GALNT17: variants seen among roughly 807,000 people sequenced by gnomAD.
The protein encoded by GALNT17 is polypeptide N-acetylgalactosaminyltransferase 17.
In GALNT17, 29 loss-of-function variants were observed where a neutral mutation model predicts 63.7. The ratio of observed to expected loss-of-function variants is 0.46; its 90% CI spans 0.34 to 0.62. The LOEUF (loss-of-function observed/expected upper bound fraction) is 0.62, where lower values mean the gene tolerates loss of function less well. Among genes scored for constraint, GALNT17 ranks in the 20% least tolerant of loss-of-function variants. The pLI is 0.01. For synonymous variants in GALNT17, 305 were observed against 318.3 expected, an observed-to-expected ratio of 0.96 and a Z score of 0.45; for missense variants, 603 against 799.6, an observed-to-expected ratio of 0.75 and a Z score of 2.97.
At chr7:71,224,016 A>G (rs750898705) in intron 1 of GALNT17, among the ~76,000 whole-genome samples, 4 of 151,934 alleles carry the variant, frequency 2.6e-5, no homozygotes, top group Non-Finnish European at 5.9e-5. Context: ...TTGTATTTTG[A>G]TGAGGTTTCA....
At chr7:71,627,677 T>C (rs1790393809) in intron 6 of GALNT17, among the ~76,000 whole-genome samples, 1 of 152,176 alleles carries the variant, frequency 6.6e-6, no homozygotes, top group Non-Finnish European at 1.5e-5. Context: ...CACAGTTCTT[T>C]TTTTGTTTGT....
At chr7:71,196,131 A>G (rs1789044307) in intron 1 of GALNT17, among the ~76,000 whole-genome samples, 2 of 151,490 alleles carry the variant, frequency 1.3e-5, no homozygotes, top group Non-Finnish European at 2.9e-5. Flanking sequence ...ATTTTTATTT[A>G]TTTTATTATT....
intron 5 of GALNT17, among the ~76,000 whole-genome samples, chr7:71,563,109 A>G (rs1403838919): frequency 2.6e-5 from 4 of 152,164 alleles, no homozygotes; most frequent in African/African-American, 7.2e-5. Context: ...ATAAGTGATT[A>G]TTTTTAATTT....
chr7:71,270,638 C>T (rs912073152), intron 1 of GALNT17, among the ~76,000 whole-genome samples: 2 of 150,806 alleles, frequency 1.3e-5, no homozygotes, highest in African/African-American at 2.4e-5. Context: ...TTGGCTTCAG[C>T]AATTCTCCTT....
chr7:71,543,704 T>G (rs548858088), intron 5 of GALNT17, among the ~76,000 whole-genome samples: 11 of 70,924 alleles, frequency 1.6e-4, no homozygotes, highest in South Asian at 4.2e-4. Context: ...CAGCAGGTTT[T>G]TTTTTTTTTT....
At chr7:71,701,904 T>TAGAC (rs1791653904) in intron 9 of GALNT17, among the ~76,000 whole-genome samples, 1 of 125,434 alleles carries the variant, frequency 8.0e-6, no homozygotes, top group Admixed American at 8.6e-5. Flanking sequence ...TACACATATA[T>TAGAC]ATATATACAT....
At chr7:71,196,850 C>T (rs556938667) in intron 1 of GALNT17, among the ~76,000 whole-genome samples, 50 of 152,070 alleles carry the variant, frequency 3.3e-4, no homozygotes, top group African/African-American at 1.2e-3. Context: ...GACGGGGTTT[C>T]ACCATGTTGG....
chr7:71,626,275 C>A (rs1790374912), intron 6 of GALNT17, among the ~76,000 whole-genome samples: 1 of 151,200 alleles, frequency 6.6e-6, no homozygotes, highest in African/African-American at 2.4e-5. Flanking sequence ...CAGACACACA[C>A]AAAGGCAAGC....
chr7:71,233,078 G>A (rs1470483258), intron 1 of GALNT17, among the ~76,000 whole-genome samples: 1 of 152,136 alleles, frequency 6.6e-6, no homozygotes, highest in Non-Finnish European at 1.5e-5. Flanking sequence ...GCTGAAGAAG[G>A]GCTTCTTCAC....
intron 3 of GALNT17, among the ~76,000 whole-genome samples, chr7:71,403,748 A>T (rs2116395267): frequency 6.6e-6 from 1 of 152,234 alleles, no homozygotes; most frequent in Non-Finnish European, 1.5e-5. Context: ...CGGCTGCCAA[A>T]CGCGTTTAAA....
intron 1 of GALNT17, among the ~76,000 whole-genome samples, chr7:71,235,245 C>T (rs1789865516): frequency 1.3e-5 from 2 of 149,048 alleles, no homozygotes; most frequent in African/African-American, 5.0e-5. Context: ...AGCAACACTC[C>T]ATCTCGGAAA....
chr7:71,653,713 T>C (rs915568442), intron 6 of GALNT17, among the ~76,000 whole-genome samples: 2 of 152,080 alleles, frequency 1.3e-5, no homozygotes, highest in Non-Finnish European at 2.9e-5. Flanking sequence ...AGCCAAAAAG[T>C]AGGACATCTT....
chr7:71,668,688 G>T (rs559390034), intron 7 of GALNT17, among the ~76,000 whole-genome samples: 2 of 152,152 alleles, frequency 1.3e-5, no homozygotes, highest in African/African-American at 4.8e-5. Flanking sequence ...GACATAATTT[G>T]AAGTCTTCTC....
chr7:71,267,146 C>T (rs763540367), intron 1 of GALNT17, among the ~76,000 whole-genome samples: 3 of 152,224 alleles, frequency 2.0e-5, no homozygotes, highest in East Asian at 1.9e-4. Context: ...TGCCTCACTC[C>T]GTTTGCTAGG....
At chr7:71,252,627 G>A (rs1384093376) in intron 1 of GALNT17, among the ~76,000 whole-genome samples, 3 of 152,108 alleles carry the variant, frequency 2.0e-5, no homozygotes, top group Admixed American at 6.5e-5. Context: ...CAGGAATATT[G>A]ACATGTTAAG....
chr7:71,497,065 T>A (rs1395933647), intron 5 of GALNT17, among the ~76,000 whole-genome samples: 1 of 152,050 alleles, frequency 6.6e-6, no homozygotes, highest in Non-Finnish European at 1.5e-5. Context: ...ACCCTGAATC[T>A]CTCTCTCTAA....
At position 71,273,910 on chromosome 7, in the gene GALNT17, A is replaced by G. The variant is rs151208198; in HGVS notation, c.239-61640A>G. 2.0e-5 allele frequency among the ~76,000 whole-genome samples: 3 copies of G among 152,308 alleles called. No individual in the cohort carries two copies. In the East Asian group the frequency reaches 5.8e-4, roughly 29 times the overall value. Reference sequence around the variant, plus strand: ...GACACACAGAAAGAGAATGTGAATCATAGGTTTCCACTGACCTGTTTTAAT... The same window carrying G: ...GACACACAGAAAGAGAATGTGAATCGTAGGTTTCCACTGACCTGTTTTAAT... On this transcript the variant is annotated intron_variant, in intron 1 of 10. Transcript: ENST00000333538.
chr7:71,581,730 A>G (rs1789638091), intron 6 of GALNT17, among the ~76,000 whole-genome samples: 2 of 152,178 alleles, frequency 1.3e-5, no homozygotes, highest in East Asian at 1.9e-4. Context: ...TCCCCTAAAT[A>G]GAGGACTCTG....
intron 5 of GALNT17, among the ~76,000 whole-genome samples, chr7:71,424,412 A>C (rs1325397926): frequency 5.9e-5 from 9 of 152,262 alleles, no homozygotes; most frequent in Admixed American, 6.5e-5. Context: ...AAGTGCTTGC[A>C]GTGGAGTGCC....
Sources: gnomAD v4.1 joint callset for allele counts (sites outside exome capture counted in the v4.1 genomes callset) on GRCh38, gnomAD v4.1.1 for gene constraint, MANE v1.5 for transcripts, NCBI Gene and HGNC (gene_info 2026-07-23, HGNC 2026-07-21) for gene names.